The following DTD1 variants were observed in gnomAD, a reference collection of about 807,000 sequenced individuals.
The protein encoded by DTD1 is D-tyrosyl-tRNA deacylase 1 homolog.
DTD1 carries 13 observed loss-of-function variants against 25.6 expected under a neutral mutation model. That is an observed-to-expected ratio of 0.51 (90% confidence interval 0.33 to 0.81). The LOEUF (loss-of-function observed/expected upper bound fraction) is 0.81. Among genes scored for constraint, DTD1 ranks in the 30% least tolerant of loss-of-function variants. The probability of loss-of-function intolerance (pLI) is 0.02; values close to 1 mark genes in which losing one functional copy is unlikely to be tolerated. For missense variants in DTD1, 193 were observed against 266.4 expected (o/e 0.72, Z 1.92); for synonymous variants, 110 against 103.6 (o/e 1.06, Z -0.37).
chr20:18,680,656 G>T (rs1051962496), intron 4 of DTD1, among the ~76,000 whole-genome samples: 8 of 152,034 alleles, frequency 5.3e-5, no homozygotes, highest in Non-Finnish European at 1.0e-4. Flanking sequence ...CCAATGTGGG[G>T]TGCTCACTCC....
intron 4 of DTD1, among the ~76,000 whole-genome samples, chr20:18,726,978 C>T (rs1023211217): frequency 2.6e-5 from 4 of 152,220 alleles, no homozygotes; most frequent in Admixed American, 1.3e-4. Flanking sequence ...ATTCCAGGCA[C>T]CTGTTGGCCT....
chr20:18,701,710 G>A (rs1283874381), intron 4 of DTD1, among the ~76,000 whole-genome samples: 1 of 152,176 alleles, frequency 6.6e-6, no homozygotes, highest in Non-Finnish European at 1.5e-5. Context: ...AATGAGCACT[G>A]GACTTGCCCC....
intron 4 of DTD1, among the ~76,000 whole-genome samples, chr20:18,653,458 A>G (rs1309922304): frequency 6.6e-6 from 1 of 152,240 alleles, no homozygotes; most frequent in Admixed American, 6.5e-5. Context: ...AAAGTATGCT[A>G]ATATGTGAAA....
chr20:18,721,931 G>A (rs1407444261), intron 4 of DTD1, among the ~76,000 whole-genome samples: 1 of 152,138 alleles, frequency 6.6e-6, no homozygotes, highest in Non-Finnish European at 1.5e-5. Context: ...TGTGGGAGAT[G>A]AGAGACATCA....
rs188162663 is a variant in DTD1, at chr20:18,631,547, G to C, written c.477+3314G>C. ...GAAATGCTTCCATTTCCTCCCTTCT[G>C]CTCTGCCACAGTGTCCTTGGGTCTG... On this transcript the variant is annotated intron_variant, in intron 4 of 5. Coordinates refer to ENST00000377452, the MANE Select transcript of DTD1 (RefSeq NM_080820.6). 5 of 985,286 alleles carry C rather than the reference G, an allele frequency of 5.1e-6. No homozygotes were observed. The African/African-American group carries it at 5.2e-5, about 10-fold the overall frequency. The allele number at this position is 985,286 out of a possible 1,614,324, so 61.0% of individuals were successfully genotyped here. A position where few individuals can be genotyped will look rare whatever the true frequency, so the allele number is the denominator to read the frequency against.
intron 4 of DTD1, chr20:18,631,677 TG>T: frequency 2.0e-6 from 2 of 985,478 alleles, no homozygotes; most frequent in South Asian, 9.4e-5. Flanking sequence ...CCCCTGGAAA[TG>T]GCTGGAGCCT....
In DTD1 at chr20:18,626,626, A is replaced by G. The variant is rs1168309877; in HGVS notation, c.371-1501A>G. ...AATGTGTTTATTTTCTCTGGTTAGTATAATTCTTTTTGGGCGCTTTACCCT... is the reference window on the plus strand; with the variant it reads ...AATGTGTTTATTTTCTCTGGTTAGTGTAATTCTTTTTGGGCGCTTTACCCT... On this transcript the variant is annotated intron_variant, in intron 3 of 5. Transcript: ENST00000377452. Among the ~76,000 whole-genome samples, 9 of 152,244 alleles carry G rather than the reference A, an allele frequency of 5.9e-5. No homozygotes were observed. The South Asian group carries it at 1.0e-3, about 18-fold the overall frequency.
Position 18,690,421 on chromosome 20 carries a change from G to A in DTD1, c.478-53679G>A, listed in dbSNP as rs145272487. On this transcript the variant is annotated intron_variant, in intron 4 of 5. Transcript: ENST00000377452. ...GGACCTAGCCAAATTCTCTAGCAAA[G>A]CTTATGCCAAGAGGGTATTTCCTAG... 4.7e-3 allele frequency among the ~76,000 whole-genome samples: 717 copies of A among 152,268 alleles called. 2 individuals are homozygous for A. The highest frequency in any genetic ancestry group is 7.9e-3 in the Non-Finnish European group (539 of 68,010).
chr20:18,745,151 T>G (rs1185348340), intron 5 of DTD1, among the ~76,000 whole-genome samples: 1 of 152,174 alleles, frequency 6.6e-6, no homozygotes. Context: ...GCAGCCTACT[T>G]TCATTGCCAC....
chr20:18,731,651 A>G (rs1401138047), intron 4 of DTD1, among the ~76,000 whole-genome samples: 2 of 152,072 alleles, frequency 1.3e-5, no homozygotes, highest in Non-Finnish European at 2.9e-5. Flanking sequence ...TTATTTTTTC[A>G]TGCTGCTATA....
chr20:18,663,835 T>G (rs1157617378), intron 4 of DTD1, among the ~76,000 whole-genome samples: 1 of 152,098 alleles, frequency 6.6e-6, no homozygotes, highest in Non-Finnish European at 1.5e-5. Context: ...TGCTAGACAT[T>G]TATAAAACCA....
intron 1 of DTD1, among the ~76,000 whole-genome samples, chr20:18,590,156 A>G (rs903533720): frequency 3.3e-5 from 5 of 152,132 alleles, no homozygotes; most frequent in Non-Finnish European, 5.9e-5. Flanking sequence ...TTGACTTCAC[A>G]TTTATTTTAA....
chr20:18,611,621 A>T lies in DTD1; in HGVS notation c.370+15380A>T, dbSNP rs192579064. Among the ~76,000 whole-genome samples the T allele has an allele frequency of 2.1e-3, 315 of 152,230 alleles. 5 individuals carry two copies. Among genetic ancestry groups the T allele is most frequent in the Admixed American group, 0.019 (284 of 15,290 alleles). On this transcript the variant is annotated intron_variant, in intron 3 of 5. Transcript: ENST00000377452. ...TTTGTTCCTTCTCTGTGTTCCTCAC[A>T]TCCCTGCCAGCACCCATGCGGTTAG...
intron 4 of DTD1, among the ~76,000 whole-genome samples, chr20:18,657,704 G>A (rs978239307): frequency 3.9e-5 from 6 of 152,230 alleles, no homozygotes; most frequent in Non-Finnish European, 7.3e-5. Flanking sequence ...CTCAAGCTTA[G>A]TGGCTTAAAA....
intron 3 of DTD1, among the ~76,000 whole-genome samples, chr20:18,623,161 G>A (rs1362674201): frequency 6.6e-6 from 1 of 151,726 alleles, no homozygotes; most frequent in Non-Finnish European, 1.5e-5. Flanking sequence ...GGATGGTCTC[G>A]ATCTCCCGAC....
At chr20:18,708,396 C>T (rs1431762970) in intron 4 of DTD1, among the ~76,000 whole-genome samples, 1 of 132,584 alleles carries the variant, frequency 7.5e-6, no homozygotes, top group Non-Finnish European at 1.6e-5. Flanking sequence ...CACTCTGTCG[C>T]CCAGGCTGGA....
At chr20:18,718,769 C>T (rs6136491) in intron 4 of DTD1, among the ~76,000 whole-genome samples, 52,867 of 152,094 alleles carry the variant, frequency 0.35, 9,515 homozygotes, top group Non-Finnish European at 0.4. Flanking sequence ...AAGAGAAAGA[C>T]ACCAGCTATT....
rs183030717 is a variant in DTD1, at chr20:18,614,747, A to T, written c.371-13380A>T. Among the ~76,000 whole-genome samples, 510 of 152,134 alleles carry T rather than the reference A, an allele frequency of 3.4e-3. 1 individual carries two copies. Among genetic ancestry groups the T allele is most frequent in the African/African-American group, 0.012 (491 of 41,496 alleles). On this transcript the variant is annotated intron_variant, in intron 3 of 5. Transcript: ENST00000377452. ...GGGTTTTTTGTGTGGGCCCATTTAG[A>T]GGCACTTCCTGTGTCCCAGCAAGCT...
At chr20:18,760,718 G>A (rs1038595986) in intron 5 of DTD1, among the ~76,000 whole-genome samples, 1 of 152,320 alleles carries the variant, frequency 6.6e-6, no homozygotes, top group East Asian at 1.9e-4. Flanking sequence ...TCTGTTCTCA[G>A]ATCTCAAGCT....
Sources: allele counts gnomAD v4.1 joint callset (sites outside exome capture counted in the v4.1 genomes callset), GRCh38; gene constraint gnomAD v4.1.1; transcripts MANE v1.5; gene names NCBI Gene and HGNC (gene_info 2026-07-23, HGNC 2026-07-21).